Variants in INPP4B observed in about 807,000 individuals in gnomAD.
INPP4B encodes the protein inositol polyphosphate 4-phosphatase type II.
In INPP4B, 55 loss-of-function variants were observed where a neutral mutation model predicts 122.5. The observed-to-expected ratio is 0.45, with a 90% CI of 0.36 to 0.56. The LOEUF is 0.56. INPP4B is among the 20% of genes least tolerant of loss of function. The pLI is 0.00. For synonymous variants in INPP4B, 403 were observed against 388.7 expected (o/e 1.04, Z -0.43); for missense variants, 1,000 against 1,097.7 (o/e 0.91, Z 1.26).
intron 10 of INPP4B, among the ~76,000 whole-genome samples, chr4:142,266,805 T>A (rs1416030306): frequency 6.6e-6 from 1 of 151,992 alleles, no homozygotes; most frequent in Non-Finnish European, 1.5e-5. Flanking sequence ...ATCTTTTATG[T>A]AGAAAACCCT....
At chr4:142,105,411 T>C (rs967871454) in intron 23 of INPP4B, among the ~76,000 whole-genome samples, 31 of 152,174 alleles carry the variant, frequency 2.0e-4, no homozygotes, top group Admixed American at 1.4e-3. Context: ...AACTATTCCA[T>C]GTTTGTAGAT....
chr4:142,597,583 GT>G (rs1738995672), intron 2 of INPP4B, among the ~76,000 whole-genome samples: 1 of 152,144 alleles, frequency 6.6e-6, no homozygotes, highest in African/African-American at 2.4e-5. Flanking sequence ...CTGGAAGGTG[GT>G]TGTCAGCAGG....
intron 1 of INPP4B, among the ~76,000 whole-genome samples, chr4:142,738,495 A>T (rs1277977393): frequency 2.6e-5 from 4 of 152,060 alleles, no homozygotes; most frequent in African/African-American, 9.7e-5. Context: ...GCATTAGGAG[A>T]TACCCCTAAT....
intron 1 of INPP4B, among the ~76,000 whole-genome samples, chr4:142,731,608 T>C (rs906281679): frequency 1.3e-5 from 2 of 152,084 alleles, no homozygotes; most frequent in Non-Finnish European, 2.9e-5. Context: ...CTCAAGAGCA[T>C]AGGCAAGAGG....
intron 1 of INPP4B, among the ~76,000 whole-genome samples, chr4:142,829,783 A>G (rs966867556): frequency 2.0e-5 from 3 of 152,248 alleles, no homozygotes; most frequent in Non-Finnish European, 4.4e-5. Context: ...AACATTTACT[A>G]GCAATAGACT....
At chr4:142,804,669 T>G (rs1053929584) in intron 1 of INPP4B, among the ~76,000 whole-genome samples, 1 of 152,144 alleles carries the variant, frequency 6.6e-6, no homozygotes, top group South Asian at 2.1e-4. Context: ...TGTTTGCTTT[T>G]TGGTTTTTGT....
At chr4:142,818,801 T>G (rs1780449314) in intron 1 of INPP4B, among the ~76,000 whole-genome samples, 1 of 152,152 alleles carries the variant, frequency 6.6e-6, no homozygotes, top group South Asian at 2.1e-4. Context: ...CTTATTAGTT[T>G]ATATAAAATA....
intron 1 of INPP4B, among the ~76,000 whole-genome samples, chr4:142,744,661 T>C (rs1410464304): frequency 6.6e-6 from 1 of 151,758 alleles, no homozygotes; most frequent in African/African-American, 2.4e-5. Context: ...TTTGAGAATT[T>C]TATATCTAAT....
intron 1 of INPP4B, among the ~76,000 whole-genome samples, chr4:142,832,070 T>C (rs944809568): frequency 1.3e-5 from 2 of 152,226 alleles, no homozygotes; most frequent in African/African-American, 2.4e-5. Context: ...CAGTGGTTTT[T>C]CTACATTTAG....
At chr4:142,050,008 C>G (rs1753646916) in intron 25 of INPP4B, among the ~76,000 whole-genome samples, 1 of 151,980 alleles carries the variant, frequency 6.6e-6, no homozygotes, top group Non-Finnish European at 1.5e-5. Flanking sequence ...GGCCTATGTT[C>G]TTATCCACGT....
At chr4:142,058,711 T>G (rs1406613654) in intron 25 of INPP4B, among the ~76,000 whole-genome samples, 4 of 152,146 alleles carry the variant, frequency 2.6e-5, no homozygotes, top group Non-Finnish European at 5.9e-5. Context: ...CTGCCAATTT[T>G]TAATCCAATA....
intron 2 of INPP4B, among the ~76,000 whole-genome samples, chr4:142,563,500 G>T (rs2070683970): frequency 6.6e-6 from 1 of 152,130 alleles, no homozygotes; most frequent in African/African-American, 2.4e-5. Flanking sequence ...CAATAGCAGT[G>T]ATAGAAATAG....
intron 2 of INPP4B, among the ~76,000 whole-genome samples, chr4:142,608,720 C>T (rs886930306): frequency 6.6e-6 from 1 of 152,192 alleles, no homozygotes; most frequent in Non-Finnish European, 1.5e-5. Flanking sequence ...CGTTGAGTCC[C>T]TCTCCAACCA....
intron 25 of INPP4B, among the ~76,000 whole-genome samples, chr4:142,054,213 G>GC: frequency 6.6e-6 from 1 of 150,878 alleles, no homozygotes; most frequent in Non-Finnish European, 1.5e-5. Context: ...CTGGCTGGCT[G>GC]CCCCACGCTC....
intron 1 of INPP4B, among the ~76,000 whole-genome samples, chr4:142,737,755 C>G (rs894056926): frequency 1.3e-5 from 2 of 151,932 alleles, no homozygotes; most frequent in African/African-American, 4.8e-5. Context: ...TGAACTCAAA[C>G]AAATTTACAA....
chr4:142,191,600 C>T (rs943315877), intron 15 of INPP4B, among the ~76,000 whole-genome samples: 4 of 152,136 alleles, frequency 2.6e-5, no homozygotes, highest in Non-Finnish European at 5.9e-5. Context: ...CCCTGCAGAG[C>T]CCATGGTTGA....
intron 2 of INPP4B, among the ~76,000 whole-genome samples, chr4:142,568,475 A>G (rs776724494): frequency 4.6e-5 from 7 of 152,196 alleles, no homozygotes; most frequent in Admixed American, 1.3e-4. Flanking sequence ...TAAGGAAAAG[A>G]TTTAGATATT....
intron 2 of INPP4B, chr4:142,583,560 G>A (rs1301155274): frequency 2.0e-5 from 3 of 152,048 alleles, no homozygotes; most frequent in Admixed American, 6.6e-5. Flanking sequence ...AAGGTTTTCC[G>A]ATTTCCAGAC....
intron 7 of INPP4B, among the ~76,000 whole-genome samples, chr4:142,320,270 A>C (rs1487339867): frequency 6.6e-6 from 1 of 152,226 alleles, no homozygotes; most frequent in Non-Finnish European, 1.5e-5. Flanking sequence ...GGCTCTCCTC[A>C]GATGATCTCT....
Sources: gnomAD v4.1 joint callset for allele counts (sites outside exome capture counted in the v4.1 genomes callset) on GRCh38, gnomAD v4.1.1 for gene constraint, MANE v1.5 for transcripts, NCBI Gene and HGNC (gene_info 2026-07-23, HGNC 2026-07-21) for gene names.